The following FIG4 variants were observed in gnomAD, a reference collection of about 807,000 sequenced individuals.
The protein encoded by FIG4 is polyphosphoinositide phosphatase.
In FIG4, 112 loss-of-function variants were observed where a neutral mutation model predicts 118.6. The observed-to-expected ratio is 0.94, with a 90% confidence interval of 0.81 to 1.11. FIG4 has a LOEUF of 1.11. Ranked by LOEUF, FIG4 falls within the 50% of genes least tolerant of loss-of-function variation. The pLI is 0.00. For missense variants in FIG4, 969 were observed against 1,111.7 expected, an observed-to-expected ratio of 0.87 and a Z score of 1.83; for synonymous variants, 369 against 381.2, an observed-to-expected ratio of 0.97 and a Z score of 0.37.
At chr6:109,815,207 A>T (rs1583772652) in intron 22 of FIG4, among the ~76,000 whole-genome samples, 2 of 151,842 alleles carry the variant, frequency 1.3e-5, no homozygotes, top group East Asian at 3.9e-4. Context: ...GGCTGTCACC[A>T]CTGCATCCAC....
intron 10 of FIG4, among the ~76,000 whole-genome samples, chr6:109,759,639 G>GCAGT (rs1375188618): frequency 6.6e-6 from 1 of 152,216 alleles, no homozygotes; most frequent in Non-Finnish European, 1.5e-5. Context: ...GAGAGGCAGT[G>GCAGT]CAGTGTCTAA....
intron 1 of FIG4, among the ~76,000 whole-genome samples, chr6:109,708,280 T>C (rs548187716): frequency 4.6e-5 from 7 of 152,356 alleles, no homozygotes; most frequent in Non-Finnish European, 8.8e-5. Flanking sequence ...GGCCTCCAGC[T>C]CCATCCATGT....
chr6:109,751,211 G>C (rs1049751497), intron 10 of FIG4, among the ~76,000 whole-genome samples: 1 of 152,160 alleles, frequency 6.6e-6, no homozygotes, highest in African/African-American at 2.4e-5. Flanking sequence ...CTAAGTGAAG[G>C]CTTGATCAGG....
chr6:109,791,491 C>A lies in FIG4; in HGVS notation c.2296C>A (p.Arg766=), dbSNP rs552937585. 2 of 1,614,012 alleles carry A rather than the reference C, an allele frequency of 1.2e-6. No individual in the cohort carries two copies. Among genetic ancestry groups the A allele is most frequent in the Non-Finnish European group, 1.7e-6 (2 of 1,180,038 alleles). ...CTCTGAGGATGACTCTGGGACTGAT[C>A]GGGAAGAAGAGGGCTCTGTGTCTCA... ...SSSEDDSGTD[R]EEEGSVSQRS... Residue 766 remains arginine (R), a synonymous_variant, in exon 20 of 23, where the codon CGG becomes AGG. Transcript: ENST00000230124.
intron 22 of FIG4, among the ~76,000 whole-genome samples, chr6:109,819,040 A>G (rs975555438): frequency 3.3e-5 from 5 of 151,844 alleles, no homozygotes; most frequent in African/African-American, 1.2e-4. Flanking sequence ...AGTAGGACCC[A>G]CTCCATTCCC....
intron 16 of FIG4, among the ~76,000 whole-genome samples, chr6:109,779,430 A>G (rs181704804): frequency 1.3e-5 from 2 of 152,324 alleles, no homozygotes; most frequent in Admixed American, 6.5e-5. Context: ...AAAAAAGGAA[A>G]TTGAGGTGCA....
intron 3 of FIG4, 71 bp from the exon 4 acceptor site, chr6:109,727,038 C>T: frequency 8.5e-7 from 1 of 1,176,162 alleles, no homozygotes; most frequent in Non-Finnish European, 1.3e-6. Context: ...GGTCTTTGGC[C>T]TTTTAAATAG....
intron 22 of FIG4, among the ~76,000 whole-genome samples, chr6:109,815,496 C>CGGGGGGG: frequency 9.4e-6 from 1 of 106,522 alleles, no homozygotes; most frequent in East Asian, 2.6e-4. Flanking sequence ...CTCCAGGCTG[C>CGGGGGGG]CCCCCCCACC....
intron 1 of FIG4, among the ~76,000 whole-genome samples, chr6:109,705,713 A>G (rs959739901): frequency 6.6e-6 from 1 of 152,246 alleles, no homozygotes; most frequent in Non-Finnish European, 1.5e-5. Flanking sequence ...AAACTGCCAA[A>G]GTATCATCCC....
At chr6:109,727,695 A>G (rs983868813) in intron 4 of FIG4, among the ~76,000 whole-genome samples, 10 of 152,114 alleles carry the variant, frequency 6.6e-5, no homozygotes, top group Admixed American at 3.3e-4. Flanking sequence ...AAATAATCAA[A>G]CTTCACATCA....
chr6:109,791,740 C>T (rs1778144689), intron 20 of FIG4, among the ~76,000 whole-genome samples, 169 bp downstream of exon 20: 1 of 152,192 alleles, frequency 6.6e-6, no homozygotes, highest in Non-Finnish European at 1.5e-5. Flanking sequence ...GATTTTATTT[C>T]ATTTCAAAAT....
At chr6:109,726,992 A>G (rs1016885759) in intron 3 of FIG4, 117 bp from the exon 4 acceptor site, 2 of 827,598 alleles carry the variant, frequency 2.4e-6, no homozygotes, top group Non-Finnish European at 4.1e-6. Context: ...GTATGGCTAT[A>G]AATCATAGAA....
intron 1 of FIG4, among the ~76,000 whole-genome samples, chr6:109,695,579 TACACACACAC>T (rs57747347): frequency 6.7e-6 from 1 of 148,732 alleles, no homozygotes; most frequent in African/African-American, 2.5e-5. Flanking sequence ...ATGCAGTGAA[TACACACACAC>T]ACACACACAC....
chr6:109,709,418 T>C (rs1775188196), intron 1 of FIG4, among the ~76,000 whole-genome samples: 1 of 152,208 alleles, frequency 6.6e-6, no homozygotes. Context: ...TTTGTTCTTA[T>C]TGCTGAGGAT....
chr6:109,731,664 A>C (rs1181419162), intron 4 of FIG4, among the ~76,000 whole-genome samples: 1 of 152,210 alleles, frequency 6.6e-6, no homozygotes, highest in East Asian at 1.9e-4. Context: ...TAGGTATTAT[A>C]AGTAATCTGG....
At chr6:109,775,282 T>A (rs1777586144) in intron 15 of FIG4, among the ~76,000 whole-genome samples, 1 of 152,212 alleles carries the variant, frequency 6.6e-6, no homozygotes, top group African/African-American at 2.4e-5. Flanking sequence ...TGGCCTTATA[T>A]CTCAAGCTTA....
chr6:109,820,810 C>T (rs1367801304), intron 22 of FIG4, among the ~76,000 whole-genome samples: 12 of 152,066 alleles, frequency 7.9e-5, no homozygotes, highest in Non-Finnish European at 1.6e-4. Flanking sequence ...CAAAACTGTG[C>T]GATACAGTAT....
At chr6:109,766,704 T>C in intron 14 of FIG4, 25 bp from the exon 15 acceptor site, 1 of 1,608,054 alleles carries the variant, frequency 6.2e-7, no homozygotes. Context: ...GGTGAAATTC[T>C]TTAATCGGGT....
intron 22 of FIG4, among the ~76,000 whole-genome samples, chr6:109,822,910 G>A (rs191236309): frequency 1.4e-5 from 2 of 147,362 alleles, no homozygotes; most frequent in Admixed American, 1.4e-4. Flanking sequence ...TATAGTGTGT[G>A]TGTATATATA....
Sources: gnomAD v4.1 joint callset for allele counts (sites outside exome capture counted in the v4.1 genomes callset) on GRCh38, gnomAD v4.1.1 for gene constraint, MANE v1.5 for transcripts, NCBI Gene and HGNC (gene_info 2026-07-23, HGNC 2026-07-21) for gene names.